The following MACROD2 variants were observed in gnomAD, a reference collection of about 807,000 sequenced individuals.
MACROD2 encodes ADP-ribose glycohydrolase MACROD2.
MACROD2 carries 36 observed loss-of-function variants against 70.4 expected under a neutral mutation model. The ratio of observed to expected loss-of-function variants is 0.51; its 90% CI spans 0.39 to 0.68. MACROD2 has a LOEUF of 0.68. Ranked by LOEUF, MACROD2 falls within the 30% of genes least tolerant of loss-of-function variation. The pLI is 0.00. For missense variants in MACROD2, 496 were observed against 538.4 expected (o/e 0.92, Z 0.78); for synonymous variants, 172 against 178.8 (o/e 0.96, Z 0.30).
chr20:14,020,918 C>T (rs6042481), intron 2 of MACROD2, among the ~76,000 whole-genome samples: 2 of 151,714 alleles, frequency 1.3e-5, no homozygotes, highest in Admixed American at 6.6e-5. Flanking sequence ...ATTTTCTGAG[C>T]ATGAATCTTG....
In MACROD2 at chr20:14,326,985, G is replaced by C. The variant is rs149699300; in HGVS notation, c.272-166494G>C. On this transcript the variant is annotated intron_variant, in intron 3 of 17. Coordinates refer to ENST00000684519, the MANE Select transcript of MACROD2 (RefSeq NM_001351661.2). The surrounding 1 kb of genome is among the most constrained non-coding windows in gnomAD (Gnocchi z 5.5). The stretch of plus-strand genomic sequence containing the variant: ...CCAAGCGTAGTTCTTCTATAGTCCT[G>C]GGCAAACCCCAGGGAATTGTGCTAA... The C allele has an allele frequency of 6.2e-7, 1 of 1,613,734 alleles. No homozygotes were observed. Among genetic ancestry groups the C allele is most frequent in the Non-Finnish European group, 8.5e-7 (1 of 1,179,782 alleles).
At chr20:14,035,938 T>G (rs943021623) in intron 2 of MACROD2, among the ~76,000 whole-genome samples, 3 of 152,246 alleles carry the variant, frequency 2.0e-5, no homozygotes, top group Admixed American at 6.5e-5. Flanking sequence ...GTCAGGAGAT[T>G]GAGACCATCC....
At chr20:14,613,179 G>A (rs919557286) in intron 4 of MACROD2, among the ~76,000 whole-genome samples, 4 of 152,054 alleles carry the variant, frequency 2.6e-5, no homozygotes, top group African/African-American at 4.8e-5. Flanking sequence ...TGTTCAAGTC[G>A]CACTTCTGAC....
chr20:14,263,470 G>A (rs1240104361), intron 3 of MACROD2, among the ~76,000 whole-genome samples: 3 of 152,072 alleles, frequency 2.0e-5, no homozygotes, highest in African/African-American at 7.2e-5. Context: ...TAGGGGAGAG[G>A]AATGTCCTAG....
Position 15,560,653 on chromosome 20 carries a change from C to T in MACROD2, c.645+60806C>T, listed in dbSNP as rs145962139. 5.3e-5 allele frequency among the ~76,000 whole-genome samples: 8 copies of T among 150,428 alleles called. No homozygotes were observed. In the East Asian group the frequency reaches 9.9e-4, roughly 19 times the overall value. ...TGGTGTGTGCCTGTAATCCCAGTGACTCGGGAGGCTGAGGCAGGAGAATCA... is the reference window on the plus strand; with the variant it reads ...TGGTGTGTGCCTGTAATCCCAGTGATTCGGGAGGCTGAGGCAGGAGAATCA... On this transcript the variant is annotated intron_variant, in intron 8 of 17. Coordinates refer to ENST00000684519, the MANE Select transcript of MACROD2 (RefSeq NM_001351661.2).
intron 3 of MACROD2, among the ~76,000 whole-genome samples, chr20:14,318,806 T>G (rs532989286): frequency 6.6e-6 from 1 of 152,328 alleles, no homozygotes; most frequent in African/African-American, 2.4e-5. Flanking sequence ...ATTATCTCCC[T>G]TCTGGATCAT....
rs577640335 is a variant in MACROD2 at position 14,389,433 on chromosome 20, A to AAG, written c.272-104045_272-104044insGA. ...CGAGACTTGGTCTCAAAAAAAAAAA[A>AAG]AAAAAAAAGACATAGGGTCTCCGTC... On this transcript the variant is annotated intron_variant, in intron 3 of 17. Transcript: ENST00000684519. 9.2e-4 allele frequency among the ~76,000 whole-genome samples: 139 copies of AAG among 150,800 alleles called. 4 individuals are homozygous for AAG. Among genetic ancestry groups the AAG allele is most frequent in the South Asian group, 6.3e-4 (3 of 4,768 alleles).
At chr20:14,342,597 A>G (rs866014937) in intron 3 of MACROD2, among the ~76,000 whole-genome samples, 2 of 152,232 alleles carry the variant, frequency 1.3e-5, no homozygotes, top group Non-Finnish European at 2.9e-5. Context: ...AAACTATACC[A>G]CATCTTTCTC....
chr20:14,005,872 A>G (rs1308483365), intron 2 of MACROD2, among the ~76,000 whole-genome samples: 1 of 152,164 alleles, frequency 6.6e-6, no homozygotes, highest in Non-Finnish European at 1.5e-5. Context: ...AGGTGCTGGG[A>G]TTACAGACGT....
chr20:16,031,602 A>C (rs1008168394), intron 15 of MACROD2, among the ~76,000 whole-genome samples: 1 of 152,156 alleles, frequency 6.6e-6, no homozygotes, highest in African/African-American at 2.4e-5. Flanking sequence ...TGGATAAAGA[A>C]ATTATGATAT....
At chr20:14,115,212 G>T (rs910864305) in intron 3 of MACROD2, among the ~76,000 whole-genome samples, 2 of 151,980 alleles carry the variant, frequency 1.3e-5, no homozygotes, top group Non-Finnish European at 2.9e-5. Context: ...TCAATTCGGG[G>T]TTTTCCTCCT....
At chr20:15,014,626 T>G (rs1462245089) in intron 5 of MACROD2, among the ~76,000 whole-genome samples, 1 of 152,202 alleles carries the variant, frequency 6.6e-6, no homozygotes, top group Non-Finnish European at 1.5e-5. Context: ...TGCTTTTTTC[T>G]GTACTGAATC....
At chr20:14,938,881 A>G (rs1023303178) in intron 5 of MACROD2, among the ~76,000 whole-genome samples, 2 of 146,380 alleles carry the variant, frequency 1.4e-5, no homozygotes, top group African/African-American at 2.5e-5. Context: ...TCAAATGGCC[A>G]TTTATGTGTC....
chr20:15,182,301 G>A (rs2076506214), intron 5 of MACROD2, among the ~76,000 whole-genome samples: 1 of 152,208 alleles, frequency 6.6e-6, no homozygotes, highest in South Asian at 2.1e-4. Flanking sequence ...GAGCAATAAA[G>A]CTATTGGTAA....
At chr20:15,181,263 G>T (rs192815791) in intron 5 of MACROD2, among the ~76,000 whole-genome samples, 1 of 152,164 alleles carries the variant, frequency 6.6e-6, no homozygotes, top group Non-Finnish European at 1.5e-5. Flanking sequence ...AAGAAACCTC[G>T]TATAAAGTGG....
At chr20:14,924,484 T>TA (rs993500687) in intron 5 of MACROD2, among the ~76,000 whole-genome samples, 1 of 151,404 alleles carries the variant, frequency 6.6e-6, no homozygotes, top group Non-Finnish European at 1.5e-5. Context: ...AGAAAGAAAG[T>TA]AGAGTTAAAT....
intron 5 of MACROD2, among the ~76,000 whole-genome samples, chr20:14,849,325 T>C (rs528596731): frequency 6.6e-6 from 1 of 152,300 alleles, no homozygotes; most frequent in Admixed American, 6.5e-5. Context: ...ACCTCATGAT[T>C]GCTTTATTGC....
At chr20:14,228,159 C>T (rs2081760958) in intron 3 of MACROD2, among the ~76,000 whole-genome samples, 1 of 89,978 alleles carries the variant, frequency 1.1e-5, no homozygotes, top group African/African-American at 4.8e-5. Context: ...ATAGTTTTTT[C>T]TATGTATATA....
chr20:14,522,413 G>A (rs182298481), intron 4 of MACROD2, among the ~76,000 whole-genome samples: 15 of 152,270 alleles, frequency 9.9e-5, no homozygotes, highest in African/African-American at 3.4e-4. Flanking sequence ...TTCTAGATTG[G>A]TCAGTCACAG....
Sources: allele counts gnomAD v4.1 joint callset (sites outside exome capture counted in the v4.1 genomes callset), GRCh38; gene constraint gnomAD v4.1.1; non-coding constraint Gnocchi (gnomAD v3.1); transcripts MANE v1.5; gene names NCBI Gene and HGNC (gene_info 2026-07-23, HGNC 2026-07-21).